ABCA12: variants seen among roughly 807,000 people sequenced by gnomAD.
The protein encoded by ABCA12 is glucosylceramide transporter ABCA12.
ABCA12 carries 156 observed loss-of-function variants against 293.5 expected under a neutral mutation model. That is an observed-to-expected ratio of 0.53 (90% CI 0.47 to 0.61). The LOEUF (loss-of-function observed/expected upper bound fraction) is 0.61. ABCA12 is among the 20% of genes least tolerant of loss of function. ABCA12 has a pLI of 0.00. For synonymous variants in ABCA12, 1,063 were observed against 1,108.0 expected (o/e 0.96, Z 0.81); for missense variants, 2,797 against 3,090.2 (o/e 0.91, Z 2.25).
intron 13 of ABCA12, among the ~76,000 whole-genome samples, chr2:215,018,989 C>T (rs1390471769): frequency 6.6e-6 from 1 of 152,100 alleles, no homozygotes; most frequent in Admixed American, 6.5e-5. Flanking sequence ...TGGTTTTTTT[C>T]CATCAGGTTA....
intron 37 of ABCA12, among the ~76,000 whole-genome samples, chr2:214,969,862 T>G (rs2105951217): frequency 6.6e-6 from 1 of 152,206 alleles, no homozygotes; most frequent in South Asian, 2.1e-4. Context: ...GCACATTTCC[T>G]TGCTACACAT....
chr2:215,035,340 G>A (rs1700969171), intron 8 of ABCA12, among the ~76,000 whole-genome samples: 1 of 152,138 alleles, frequency 6.6e-6, no homozygotes, highest in African/African-American at 2.4e-5. Context: ...CTTGGTGTAT[G>A]TCCTTGTCTT....
intron 27 of ABCA12, 83 bp downstream of exon 27, chr2:214,987,564 A>C (rs1330271212): frequency 6.6e-7 from 1 of 1,513,720 alleles, no homozygotes; most frequent in Non-Finnish European, 8.9e-7. Context: ...TGCCATTTAG[A>C]AAAAAATAAT....
chr2:215,018,451 A>C lies in ABCA12; in HGVS notation c.1658-319T>G, dbSNP rs571184943. Among the ~76,000 whole-genome samples, 108 of 152,366 alleles carry C rather than the reference A, an allele frequency of 7.1e-4. 1 individual carries two copies. In the Middle Eastern group the frequency reaches 0.01, roughly 14 times the overall value. On this transcript the variant is annotated intron_variant, in intron 13 of 52. Transcript: ENST00000272895. ...TGATCACATAATGCACTAAATAAAT[A>C]TCTCTCCATTTGATTTAAAATATCA...
In ABCA12 at chr2:215,000,812, T is replaced by C; in HGVS notation, c.3072A>G (p.Leu1024=). Residue 1024 remains leucine, a synonymous_variant, in exon 22 of 53, where the codon TTA becomes TTG. Transcript: ENST00000272895. ...TGATTGCTCTTTCAATACTATCCTG[T>C]AAATAAATAAAAGCCCTGCCATAGA... ...NQIYGRAFIY[L]QDSIERAIIE... is the part of the protein sequence containing the mutation. The C allele has an allele frequency of 6.2e-7, 1 of 1,614,148 alleles. No individual in the cohort carries two copies.
intron 7 of ABCA12, chr2:215,039,129 C>G (rs1266035761): frequency 1.3e-5 from 2 of 152,072 alleles, no homozygotes; most frequent in Non-Finnish European, 2.9e-5. Context: ...CTTTCATATG[C>G]TTTTCTCAAC....
intron 31 of ABCA12, among the ~76,000 whole-genome samples, chr2:214,979,414 C>G (rs982511410): frequency 6.6e-6 from 1 of 152,188 alleles, no homozygotes; most frequent in Admixed American, 6.5e-5. Flanking sequence ...CTCAGCTCAA[C>G]TGTCACTTTA....
At position 214,992,525 on chromosome 2, in the gene ABCA12, T is replaced by TCC. The variant is rs1559135380; in HGVS notation, c.3295-1495_3295-1494insGG. Among the ~76,000 whole-genome samples, 409 of 94,954 alleles carry TCC rather than the reference T, an allele frequency of 4.3e-3. 1 individual carries two copies. Among genetic ancestry groups the TCC allele is most frequent in the African/African-American group, 0.011 (187 of 16,990 alleles). The allele number at this position is 94,954 out of a possible 152,430, so 62.3% of individuals were successfully genotyped here. A position where few individuals can be genotyped will look rare whatever the true frequency, so the allele number is the denominator to read the frequency against. ...CTATCAACCTAGTATCCCCCCCCTTTTTTTTTTTTTTTTTTTTAGGAAAAA... is the reference window on the plus strand; with the variant it reads ...CTATCAACCTAGTATCCCCCCCCTTTCCTTTTTTTTTTTTTTTTTAGGAAAAA... On this transcript the variant is annotated intron_variant, in intron 23 of 52. Transcript: ENST00000272895.
intron 18 of ABCA12, among the ~76,000 whole-genome samples, chr2:215,009,665 A>C (rs1369252394): frequency 6.6e-6 from 1 of 152,174 alleles, no homozygotes; most frequent in East Asian, 1.9e-4. Context: ...GTAGCATATA[A>C]AAATAATGTT....
At chr2:214,981,393 C>T (rs1192390165) in intron 30 of ABCA12, among the ~76,000 whole-genome samples, 2 of 152,104 alleles carry the variant, frequency 1.3e-5, no homozygotes, top group East Asian at 1.9e-4. Context: ...CTGATTACTC[C>T]GTTGCTTCAC....
At chr2:215,021,392 A>C (rs1160177367) in intron 11 of ABCA12, among the ~76,000 whole-genome samples, 1 of 152,216 alleles carries the variant, frequency 6.6e-6, no homozygotes, top group Non-Finnish European at 1.5e-5. Flanking sequence ...CACCCGGAGG[A>C]AAAAGAGGAA....
chr2:214,968,804 A>G lies in ABCA12; in HGVS notation c.5694T>C (p.Tyr1898=). 1.2e-6 allele frequency: 2 copies of G among 1,612,628 alleles called. No individual in the cohort carries two copies. The highest frequency in any genetic ancestry group is 1.7e-6 in the Non-Finnish European group (2 of 1,178,750). The change falls in exon 38 of 53, where the codon TAT becomes TAC. Residue 1898 remains tyrosine, a synonymous_variant. Coordinates refer to ENST00000272895, the MANE Select transcript of ABCA12 (RefSeq NM_173076.3). ...STANEFVQKR[Y]GGWSFGLPLT... is the part of the protein sequence containing the mutation. ...AAGGCAGCCCAAAACTCCAACCTCCATATCTACAGAGAGTAATAAAAATAT... is the reference window on the plus strand; with the variant it reads ...AAGGCAGCCCAAAACTCCAACCTCCGTATCTACAGAGAGTAATAAAAATAT...
intron 45 of ABCA12, among the ~76,000 whole-genome samples, chr2:214,949,666 C>T (rs1281169867): frequency 2.6e-5 from 4 of 152,264 alleles, no homozygotes; most frequent in South Asian, 2.1e-4. Flanking sequence ...GCCTTAATAT[C>T]GCTTCTGTGA....
intron 9 of ABCA12, chr2:215,029,491 T>C (rs1700826049): frequency 6.6e-6 from 1 of 152,192 alleles, no homozygotes; most frequent in South Asian, 2.1e-4. Context: ...CATAGAGCTA[T>C]TTCCACTTGG....
At chr2:215,001,426 C>G in intron 21 of ABCA12, 132 bp downstream of exon 21, 1 of 1,109,588 alleles carries the variant, frequency 9.0e-7, no homozygotes. Context: ...GAAAGGTTCT[C>G]TTTTCTAAGG....
Position 215,111,657 on chromosome 2 carries a change from T to G in ABCA12, c.103A>C (p.Ile35Leu). 6.2e-7 allele frequency: 1 copy of G among 1,613,560 alleles called. No homozygotes were observed. Among genetic ancestry groups the G allele is most frequent in the Non-Finnish European group, 8.5e-7 (1 of 1,179,712 alleles). ...WTLVLILWPVIIFIILAITRT... is the reference protein window; with the variant it reads ...WTLVLILWPVLIFIILAITRT... ...GTAATAGCCAAAATTATGAAAATAATGACTGGCCATAAGATCAAGACAAGT... is the reference window on the plus strand; with the variant it reads ...GTAATAGCCAAAATTATGAAAATAAGGACTGGCCATAAGATCAAGACAAGT... The change falls in exon 2 of 53, where the codon ATT becomes CTT. Residue 35 changes from isoleucine to leucine, a missense_variant. Ile to Leu is a conservative substitution (Grantham distance 5, BLOSUM62 2). Transcript: ENST00000272895.
intron 2 of ABCA12, among the ~76,000 whole-genome samples, chr2:215,067,544 T>C (rs952742828): frequency 6.6e-6 from 1 of 152,164 alleles, no homozygotes; most frequent in Non-Finnish European, 1.5e-5. Flanking sequence ...ATAACATTCA[T>C]GCCCATCTCC....
chr2:214,953,872 G>A lies in ABCA12; in HGVS notation c.6629C>T (p.Ser2210Phe). 2 of 1,613,820 alleles carry A rather than the reference G, an allele frequency of 1.2e-6. No individual in the cohort carries two copies. The highest frequency in any genetic ancestry group is 1.7e-6 in the Non-Finnish European group (2 of 1,179,896). Residue 2210 changes from serine to phenylalanine, a missense_variant, in exon 44 of 53, where the codon TCC becomes TTC. Coordinates refer to ENST00000272895, the MANE Select transcript of ABCA12 (RefSeq NM_173076.3). The stretch of plus-strand genomic sequence containing the variant: ...TATTTACCTGAGTTTCTTTATCAGG[G>A]ATTCGTTGATTAAGAGTCGCAAGGA... ...FFSLRLLINE[S>F]LIKKLRLFFR...
At chr2:215,053,266 A>G (rs1311815789) in intron 4 of ABCA12, among the ~76,000 whole-genome samples, 4 of 152,104 alleles carry the variant, frequency 2.6e-5, no homozygotes, top group Admixed American at 2.6e-4. Context: ...TCATTAAGCC[A>G]GTATATTGAC....
Sources: allele counts gnomAD v4.1 joint callset (sites outside exome capture counted in the v4.1 genomes callset), GRCh38; gene constraint gnomAD v4.1.1; transcripts MANE v1.5; gene names NCBI Gene and HGNC (gene_info 2026-07-23, HGNC 2026-07-21).